KIF3B: variants seen among roughly 807,000 people sequenced by gnomAD.
KIF3B encodes the protein kinesin-like protein KIF3B.
Under a neutral mutation model 74.3 loss-of-function variants are expected in KIF3B, and 38 were observed. That is an observed-to-expected ratio of 0.51 (90% confidence interval 0.39 to 0.67). The LOEUF (loss-of-function observed/expected upper bound fraction) is 0.67. Ranked by LOEUF, KIF3B falls within the 30% of genes least tolerant of loss-of-function variation. KIF3B has a pLI of 0.00. For synonymous variants in KIF3B, 326 were observed against 342.5 expected, an observed-to-expected ratio of 0.95 and a Z score of 0.53; for missense variants, 649 against 932.0, an observed-to-expected ratio of 0.70 and a Z score of 3.95.
At chr20:32,300,671 C>T (rs962614167) in intron 1 of KIF3B, among the ~76,000 whole-genome samples, 2 of 152,160 alleles carry the variant, frequency 1.3e-5, no homozygotes, top group African/African-American at 2.4e-5. Flanking sequence ...ACCTCGGCCT[C>T]GCAGAGTGCT....
rs568190368 is a variant in KIF3B at position 32,333,654 on chromosome 20, A to AC, written c.*2335_*2336insC. The AC allele has an allele frequency of 2.2e-4, 33 of 150,414 alleles. 4 individuals are homozygous for AC. The highest frequency in any genetic ancestry group is 2.1e-3 in the Admixed American group (30 of 14,068). 9.3% of individuals were successfully genotyped at this position (150,414 alleles called of 1,614,324 possible). A position where few individuals can be genotyped will look rare whatever the true frequency, so the allele number is the denominator to read the frequency against. On this transcript the variant is annotated 3_prime_UTR_variant, in exon 9 of 9. Coordinates refer to ENST00000375712, the MANE Select transcript of KIF3B (RefSeq NM_004798.4). ...CCTCAAAAAAAAAAAAAAAAAAAAA[A>AC]AAAACAGAAAGAAAGAAAAAGAAAA...
intron 1 of KIF3B, among the ~76,000 whole-genome samples, chr20:32,290,838 C>G (rs571191875): frequency 6.6e-6 from 1 of 150,468 alleles, no homozygotes; most frequent in Non-Finnish European, 1.5e-5. Flanking sequence ...GTGATTGCAC[C>G]ACTGCACTCC....
At chr20:32,312,577 G>A (rs560467730) in intron 2 of KIF3B, among the ~76,000 whole-genome samples, 1 of 152,124 alleles carries the variant, frequency 6.6e-6, no homozygotes, top group Non-Finnish European at 1.5e-5. Context: ...TATGTAAATG[G>A]AATCCCACTC....
At chr20:32,302,075 C>T (rs1387963045) in intron 1 of KIF3B, among the ~76,000 whole-genome samples, 1 of 152,210 alleles carries the variant, frequency 6.6e-6, no homozygotes, top group Non-Finnish European at 1.5e-5. Context: ...GTGCTTCCTT[C>T]TTTCCTGGCA....
intron 5 of KIF3B, among the ~76,000 whole-genome samples, chr20:32,320,832 T>G (rs766098763): frequency 6.6e-6 from 1 of 152,180 alleles, no homozygotes; most frequent in East Asian, 1.9e-4. Context: ...ATACCACATT[T>G]TATTTATCCA....
At chr20:32,288,142 A>G (rs1207101950) in intron 1 of KIF3B, among the ~76,000 whole-genome samples, 1 of 151,744 alleles carries the variant, frequency 6.6e-6, no homozygotes, top group Non-Finnish European at 1.5e-5. Flanking sequence ...CGGCCTCCCA[A>G]AGTGCTGGGA....
intron 1 of KIF3B, among the ~76,000 whole-genome samples, chr20:32,305,025 G>A (rs968979152): frequency 6.6e-6 from 1 of 151,984 alleles, no homozygotes; most frequent in Non-Finnish European, 1.5e-5. Flanking sequence ...GTGGGTGCCT[G>A]TAGTCCCAGC....
chr20:32,320,515 TGTTA>T (rs976451529), intron 5 of KIF3B, among the ~76,000 whole-genome samples: 8 of 149,138 alleles, frequency 5.4e-5, no homozygotes, highest in Non-Finnish European at 7.4e-5. Context: ...GTGTGTGTTT[TGTTA>T]GTTTTTTTTT....
intron 1 of KIF3B, among the ~76,000 whole-genome samples, chr20:32,284,629 TAA>T (rs2047659110): frequency 6.6e-6 from 1 of 152,142 alleles, no homozygotes; most frequent in Admixed American, 6.6e-5. Context: ...TCTGTATTTT[TAA>T]AAACAGAAGA....
In KIF3B at chr20:32,298,762, G is replaced by A. The variant is rs552556211; in HGVS notation, c.-65-10951G>A. 2.0e-5 allele frequency among the ~76,000 whole-genome samples: 3 copies of A among 151,530 alleles called. No homozygotes were observed. The South Asian group carries it at 6.3e-4, about 32-fold the overall frequency. On this transcript the variant is annotated intron_variant, in intron 1 of 8. Coordinates refer to ENST00000375712, the MANE Select transcript of KIF3B (RefSeq NM_004798.4). The stretch of plus-strand genomic sequence containing the variant: ...TGACTGACTGTAACCTCCACCTCCT[G>A]GGCTCAAGTGATCCTTCCACCTTTT...
chr20:32,311,218 G>C (rs745665598), intron 2 of KIF3B, 37 bp downstream of exon 2: 1 of 1,522,090 alleles, frequency 6.6e-7, no homozygotes, highest in African/African-American at 1.4e-5. Context: ...CCCTTGCCCT[G>C]TCACTGCTTT....
In KIF3B at chr20:32,310,892, G is replaced by A. The variant is rs2047796671; in HGVS notation, c.1115G>A (p.Arg372Gln). 6.8e-6 allele frequency: 11 copies of A among 1,613,950 alleles called. No individual in the cohort carries two copies. Among genetic ancestry groups the A allele is most frequent in the African/African-American group, 1.3e-5 (1 of 74,962 alleles). ...CGGCTCAAGGCCCAGCTGGAAAAAC[G>A]GTCCATTGGTAGGAGGAAGAGGCGA... ...IARLKAQLEK[R>Q]SIGRRKRREK... Residue 372 changes from arginine to glutamine, a missense_variant, in exon 2 of 9, where the codon CGG becomes CAG. Coordinates refer to ENST00000375712, the MANE Select transcript of KIF3B (RefSeq NM_004798.4). The surrounding 1 kb of genome is among the most constrained non-coding windows in gnomAD (Gnocchi z 6.5).
At chr20:32,316,122 G>A (rs887127350) in intron 2 of KIF3B, 96 bp from the exon 3 acceptor site, 1 of 778,578 alleles carries the variant, frequency 1.3e-6, no homozygotes, top group Admixed American at 1.9e-5. Flanking sequence ...TTTTGGCTCA[G>A]TCCTGAGCTC....
In KIF3B at chr20:32,291,542, CA is replaced by C. The variant is rs201461253; in HGVS notation, c.-66+13778del. On this transcript the variant is annotated intron_variant, in intron 1 of 8. Coordinates refer to ENST00000375712, the MANE Select transcript of KIF3B (RefSeq NM_004798.4). ...AAGAACTTTCTTTTTAAAATAATAA[CA>C]TTTTTTTACACGTAAAAATAATTTC... Among the ~76,000 whole-genome samples, 704 of 151,952 alleles carry C rather than the reference CA, an allele frequency of 4.6e-3. 6 individuals are homozygous for C. Among genetic ancestry groups the C allele is most frequent in the African/African-American group, 0.015 (636 of 41,456 alleles).
In KIF3B at chr20:32,309,980, A is replaced by G; in HGVS notation, c.203A>G (p.Lys68Arg). The change falls in exon 2 of 9, where the codon AAG becomes AGG. Residue 68 changes from lysine (K) to arginine (R), a missense_variant. Coordinates refer to ENST00000375712, the MANE Select transcript of KIF3B (RefSeq NM_004798.4). The stretch of plus-strand genomic sequence containing the variant: ...GATGCCGTCTATGACTGGAATGCCA[A>G]GCAGTTTGAACTGTACGATGAGACG... ...TFDAVYDWNA[K>R]QFELYDETFR... The G allele has an allele frequency of 1.9e-6, 3 of 1,614,206 alleles. No individual in the cohort carries two copies. The highest frequency in any genetic ancestry group is 1.7e-6 in the Non-Finnish European group (2 of 1,180,038).
At chr20:32,322,539 C>T (rs767757395) in intron 5 of KIF3B, among the ~76,000 whole-genome samples, 5 of 143,682 alleles carry the variant, frequency 3.5e-5, no homozygotes, top group Non-Finnish European at 7.5e-5. Context: ...ACCCTGGAGG[C>T]GGAGGTTGCA....
At chr20:32,322,858 A>T (rs1442936994) in intron 5 of KIF3B, among the ~76,000 whole-genome samples, 2 of 79,462 alleles carry the variant, frequency 2.5e-5, no homozygotes, top group Non-Finnish European at 2.1e-5. Flanking sequence ...ATATATTTAT[A>T]TATACATATT....
At chr20:32,317,082 C>T (rs1384259225) in intron 5 of KIF3B, among the ~76,000 whole-genome samples, 1 of 151,636 alleles carries the variant, frequency 6.6e-6, no homozygotes, top group Non-Finnish European at 1.5e-5. Flanking sequence ...CTAAGAAATA[C>T]AAAAATTAGC....
At chr20:32,292,057 T>A (rs2047694164) in intron 1 of KIF3B, among the ~76,000 whole-genome samples, 1 of 152,196 alleles carries the variant, frequency 6.6e-6, no homozygotes, top group Non-Finnish European at 1.5e-5. Flanking sequence ...CAACTTAGCC[T>A]CCTGAGTAGC....
Sources: allele counts gnomAD v4.1 joint callset (sites outside exome capture counted in the v4.1 genomes callset), GRCh38; gene constraint gnomAD v4.1.1; non-coding constraint Gnocchi (gnomAD v3.1); transcripts MANE v1.5; gene names NCBI Gene and HGNC (gene_info 2026-07-23, HGNC 2026-07-21).